SIRPD: variants seen among roughly 807,000 people sequenced by gnomAD.
SIRPD encodes signal-regulatory protein delta.
SIRPD carries 21 observed loss-of-function variants against 18.0 expected under a neutral mutation model. The observed-to-expected ratio is 1.17, with a 90% CI of 0.83 to 1.68. The LOEUF is 1.68. SIRPD is among the 40% of genes most tolerant of loss of function. SIRPD has a pLI of 0.00. For missense variants in SIRPD, 295 were observed against 238.4 expected (o/e 1.24, Z -1.56); for synonymous variants, 106 against 92.9 (o/e 1.14, Z -0.81).
intron 1 of SIRPD, chr20:1,554,308 T>G (rs1363853473): frequency 6.6e-6 from 1 of 152,624 alleles, no homozygotes; most frequent in Non-Finnish European, 1.5e-5. Flanking sequence ...GAAATAAACA[T>G]GGAATCATCT....
Position 1,551,890 on chromosome 20 carries a change from T to G in SIRPD, c.222A>C (p.Leu74Phe), listed in dbSNP as rs2091020821. ...WFKGTGPNRKLIYNFKQGNFP... is the reference protein window; with the variant it reads ...WFKGTGPNRKFIYNFKQGNFP... ...AGTTACCTTGTTTGAAATTGTAGAT[T>G]AATTTCCGGTTTGGCCCTGTTCCCT... The change falls in exon 2 of 4, where the codon TTA becomes TTC. Residue 74 changes from leucine to phenylalanine, a missense_variant. Coordinates refer to ENST00000381623, the MANE Select transcript of SIRPD (RefSeq NM_178460.3). 1 of 1,613,970 alleles carries G rather than the reference T, an allele frequency of 6.2e-7. No individual in the cohort carries two copies. Among genetic ancestry groups the G allele is most frequent in the Non-Finnish European group, 8.5e-7 (1 of 1,179,998 alleles).
chr20:1,542,323 G>T (rs1218845111), intron 2 of SIRPD, among the ~76,000 whole-genome samples: 1 of 152,108 alleles, frequency 6.6e-6, no homozygotes, highest in Non-Finnish European at 1.5e-5. Context: ...TTGAGCAGTG[G>T]TTCGTAGTTC....
intron 1 of SIRPD, among the ~76,000 whole-genome samples, chr20:1,555,925 G>C: frequency 6.6e-6 from 1 of 152,176 alleles, no homozygotes. Flanking sequence ...GGGTTTGACT[G>C]GGGAAGTGTT....
chr20:1,555,214 G>A (rs1177110669), intron 1 of SIRPD, among the ~76,000 whole-genome samples: 1 of 152,122 alleles, frequency 6.6e-6, no homozygotes, highest in Non-Finnish European at 1.5e-5. Context: ...AAATAAGCCA[G>A]GCACAGAAAG....
At chr20:1,549,746 T>G (rs2091010488) in intron 2 of SIRPD, among the ~76,000 whole-genome samples, 1 of 152,166 alleles carries the variant, frequency 6.6e-6, no homozygotes, top group Admixed American at 6.6e-5. Context: ...AAAAATAATT[T>G]TCACCAGTTT....
At chr20:1,555,716 T>C (rs574895848) in intron 1 of SIRPD, among the ~76,000 whole-genome samples, 33 of 152,352 alleles carry the variant, frequency 2.2e-4, no homozygotes, top group African/African-American at 7.2e-4. Flanking sequence ...TTTTGAATGG[T>C]TTTGCCATCT....
chr20:1,551,646 T>C lies in SIRPD; in HGVS notation c.421+45A>G, dbSNP rs1408664989. 5 of 1,421,596 alleles carry C rather than the reference T, an allele frequency of 3.5e-6. No homozygotes were observed. The Admixed American group carries it at 7.9e-5, about 23-fold the overall frequency. The allele number at this position is 1,421,596 out of a possible 1,614,324, so 88.1% of individuals were successfully genotyped here. On this transcript the variant is annotated intron_variant, in intron 2 of 3. Coordinates refer to ENST00000381623, the MANE Select transcript of SIRPD (RefSeq NM_178460.3). ...TGAATAGAAGACATAACTGCTGAGA[T>C]GATATTATACACCAGGGGGTATGGG...
chr20:1,541,878 C>T (rs1158654786), intron 2 of SIRPD, among the ~76,000 whole-genome samples: 1 of 152,140 alleles, frequency 6.6e-6, no homozygotes, highest in Admixed American at 6.6e-5. Flanking sequence ...TTTCCCAACA[C>T]CATTTATTAA....
intron 3 of SIRPD, 121 bp from the exon 4 acceptor site, chr20:1,534,562 G>T: frequency 9.4e-7 from 1 of 1,065,562 alleles, no homozygotes; most frequent in Non-Finnish European, 1.4e-6. Flanking sequence ...TTTCTGTGTT[G>T]CTAAGGTTGT....
chr20:1,537,047 C>G, intron 3 of SIRPD, 108 bp downstream of exon 3: 2 of 1,355,420 alleles, frequency 1.5e-6, no homozygotes, highest in Non-Finnish European at 2.0e-6. Flanking sequence ...GAAAGAGGCC[C>G]TAGGACAACA....
chr20:1,535,238 G>T (rs1029981231), intron 3 of SIRPD, among the ~76,000 whole-genome samples: 3 of 152,152 alleles, frequency 2.0e-5, no homozygotes, highest in African/African-American at 7.2e-5. Context: ...TTTGTTAAAA[G>T]TTCGATGTAT....
intron 2 of SIRPD, among the ~76,000 whole-genome samples, chr20:1,547,091 A>G (rs949129640): frequency 1.3e-5 from 2 of 152,220 alleles, no homozygotes; most frequent in African/African-American, 2.4e-5. Context: ...AGCCAATGCA[A>G]AATCTGATGT....
At chr20:1,543,727 C>A (rs2090981839) in intron 2 of SIRPD, among the ~76,000 whole-genome samples, 1 of 152,156 alleles carries the variant, frequency 6.6e-6, no homozygotes, top group Non-Finnish European at 1.5e-5. Flanking sequence ...TATTTTAGAT[C>A]TTTCCTGCTG....
At chr20:1,543,561 A>T (rs535327492) in intron 2 of SIRPD, among the ~76,000 whole-genome samples, 5 of 151,598 alleles carry the variant, frequency 3.3e-5, no homozygotes, top group South Asian at 4.2e-4. Context: ...TTAATGTTTT[A>T]AAAAAAACAG....
chr20:1,553,329 T>G (rs1459210925), intron 1 of SIRPD, among the ~76,000 whole-genome samples: 1 of 152,056 alleles, frequency 6.6e-6, no homozygotes, highest in Non-Finnish European at 1.5e-5. Flanking sequence ...TGCTATCAGG[T>G]CCCCATCACA....
rs535774157 is a variant in SIRPD at position 1,544,889 on chromosome 20, G to A, written c.421+6802C>T. Among the ~76,000 whole-genome samples the A allele has an allele frequency of 1.7e-4, 26 of 152,136 alleles. No homozygotes were observed. The East Asian group carries it at 3.7e-3, about 21-fold the overall frequency. ...TCATTTATGAAGCTTTTTTTGGCTG[G>A]ATATGAAATTCTGGGTTGAAAATTC... On this transcript the variant is annotated intron_variant, in intron 2 of 3. Coordinates refer to ENST00000381623, the MANE Select transcript of SIRPD (RefSeq NM_178460.3).
At chr20:1,537,904 G>A (rs1163446535) in intron 2 of SIRPD, among the ~76,000 whole-genome samples, 1 of 152,100 alleles carries the variant, frequency 6.6e-6, no homozygotes, top group African/African-American at 2.4e-5. Flanking sequence ...CAGGGCCTTA[G>A]TGTGCTCATA....
chr20:1,552,140 C>T (rs149087449), intron 1 of SIRPD, 102 bp from the exon 2 acceptor site: 85 of 940,922 alleles, frequency 9.0e-5, no homozygotes, highest in African/African-American at 4.5e-4. Context: ...TAATGACATG[C>T]GCAAATGCCC....
In SIRPD at chr20:1,552,376, G is replaced by A. The variant is rs529031068; in HGVS notation, c.74-338C>T. 5.3e-5 allele frequency among the ~76,000 whole-genome samples: 8 copies of A among 152,192 alleles called. No individual in the cohort carries two copies. The East Asian group carries it at 5.8e-4, about 11-fold the overall frequency. ...TCCATCTAATTGCCTAGAGTCACTC[G>A]GTACATTTGGAACTGGGTTCAAGTC... is the stretch of plus-strand genomic sequence containing the variant. On this transcript the variant is annotated intron_variant, in intron 1 of 3. Transcript: ENST00000381623.
Sources: allele counts gnomAD v4.1 joint callset (sites outside exome capture counted in the v4.1 genomes callset), GRCh38; gene constraint gnomAD v4.1.1; transcripts MANE v1.5; gene names NCBI Gene and HGNC (gene_info 2026-07-23, HGNC 2026-07-21).